The following DAB1 variants were observed in gnomAD, a reference collection of about 807,000 sequenced individuals.
DAB1 encodes the protein disabled homolog 1.
Under a neutral mutation model 64.6 loss-of-function variants are expected in DAB1, and 15 were observed. The ratio of observed to expected loss-of-function variants is 0.23; its 90% confidence interval spans 0.16 to 0.36. The LOEUF (loss-of-function observed/expected upper bound fraction) is 0.36. Ranked by LOEUF, DAB1 falls within the 10% of genes least tolerant of loss-of-function variation. DAB1 has a pLI of 1.00. For synonymous variants in DAB1, 235 were observed against 251.9 expected (o/e 0.93, Z 0.64); for missense variants, 596 against 706.7 (o/e 0.84, Z 1.78).
At chr1:57,782,457 C>T (rs1008763210) in intron 6 of DAB1, among the ~76,000 whole-genome samples, 4 of 152,108 alleles carry the variant, frequency 2.6e-5, no homozygotes, top group Non-Finnish European at 4.4e-5. Flanking sequence ...CACGATGTCT[C>T]GATCTGTGCA....
At chr1:57,266,315 C>T (rs1281394245) in intron 2 of DAB1, among the ~76,000 whole-genome samples, 1 of 152,194 alleles carries the variant, frequency 6.6e-6, no homozygotes, top group African/African-American at 2.4e-5. Flanking sequence ...ATGCCTGTCT[C>T]ATTTCTACTG....
upstream of DAB1, among the ~76,000 whole-genome samples, chr1:57,886,760 C>T (rs555771063): frequency 6.6e-6 from 1 of 152,222 alleles, no homozygotes; most frequent in South Asian, 2.1e-4. Context: ...CTCAAAGAAC[C>T]TGAGTTCTAG....
intron 4 of DAB1, among the ~76,000 whole-genome samples, chr1:57,117,054 A>G (rs1656202177): frequency 6.6e-6 from 1 of 152,202 alleles, no homozygotes; most frequent in Admixed American, 6.5e-5. Flanking sequence ...AAAAAACTGG[A>G]TGATTCCTGG....
intron 4 of DAB1, among the ~76,000 whole-genome samples, chr1:58,237,627 T>C (rs1028385668): frequency 7.9e-5 from 12 of 152,188 alleles, no homozygotes; most frequent in African/African-American, 2.7e-4. Flanking sequence ...GCACAACTAC[T>C]GAAACCCGGT....
chr1:58,244,083 T>G (rs1173770176), intron 4 of DAB1, among the ~76,000 whole-genome samples: 3 of 152,184 alleles, frequency 2.0e-5, no homozygotes, highest in Admixed American at 1.3e-4. Context: ...CCAATCCCAG[T>G]CCTTCTCTCA....
At chr1:57,778,441 C>G (rs113777793) in intron 6 of DAB1, among the ~76,000 whole-genome samples, 2 of 151,906 alleles carry the variant, frequency 1.3e-5, no homozygotes, top group African/African-American at 4.8e-5. Context: ...CAGTTTTCAC[C>G]TCGTCTGTTG....
At chr1:58,492,404 A>C (rs531455203) in intron 3 of DAB1, among the ~76,000 whole-genome samples, 1 of 152,324 alleles carries the variant, frequency 6.6e-6, no homozygotes, top group South Asian at 2.1e-4. Context: ...AGGCAAGAAA[A>C]TAACTAAGAT....
chr1:58,182,610 T>C (rs576199219), intron 4 of DAB1, among the ~76,000 whole-genome samples: 1 of 152,134 alleles, frequency 6.6e-6, no homozygotes, highest in South Asian at 2.1e-4. Flanking sequence ...ATTACTGTAG[T>C]TTTCAACTCC....
intron 7 of DAB1, among the ~76,000 whole-genome samples, chr1:57,539,955 G>T (rs969074936): frequency 1.3e-5 from 2 of 152,120 alleles, no homozygotes; most frequent in African/African-American, 4.8e-5. Context: ...AATTAGTGAG[G>T]CTGTCCCTTA....
chr1:58,437,007 C>T (rs138831157), intron 3 of DAB1, among the ~76,000 whole-genome samples: 12 of 152,318 alleles, frequency 7.9e-5, no homozygotes, highest in Admixed American at 2.0e-4. Context: ...TCTGGGACCT[C>T]GACAACAGCC....
At chr1:57,631,760 T>C (rs1456612679) in intron 7 of DAB1, among the ~76,000 whole-genome samples, 1 of 152,192 alleles carries the variant, frequency 6.6e-6, no homozygotes, top group East Asian at 1.9e-4. Context: ...ATCACTAAAA[T>C]GGAGTTAGCA....
chr1:58,364,709 A>C (rs995015930), intron 3 of DAB1, among the ~76,000 whole-genome samples: 1 of 152,360 alleles, frequency 6.6e-6, no homozygotes, highest in East Asian at 1.9e-4. Context: ...GTCTGTATTT[A>C]TATACATGTG....
intron 2 of DAB1, among the ~76,000 whole-genome samples, chr1:57,224,725 A>T (rs185080540): frequency 6.6e-6 from 1 of 152,298 alleles, no homozygotes; most frequent in East Asian, 1.9e-4. Context: ...AGAGCTTCCA[A>T]ATCTCTTGGG....
At position 57,855,626 on chromosome 1, in the gene DAB1, A is replaced by G. The variant is rs951894438; in HGVS notation, n.87+28373T>C. 2.0e-5 allele frequency among the ~76,000 whole-genome samples: 3 copies of G among 152,296 alleles called. No individual in the cohort carries two copies. In the South Asian group the frequency reaches 6.2e-4, roughly 32 times the overall value. On this transcript the variant is annotated intron_variant and non_coding_transcript_variant, in intron 1 of 1. Transcript: ENST00000477280. ...CCTGGGGGCAAAGAAACAGAGGAAG[A>G]GGGAAAAGGTCTTCACATCTGAGGT...
intron 3 of DAB1, among the ~76,000 whole-genome samples, chr1:58,359,813 T>C (rs1328436537): frequency 2.0e-5 from 3 of 152,016 alleles, no homozygotes; most frequent in Non-Finnish European, 4.4e-5. Flanking sequence ...AAGATGATGA[T>C]GGAGAGGACT....
intron 4 of DAB1, among the ~76,000 whole-genome samples, chr1:58,338,956 G>T (rs1437104648): frequency 6.6e-6 from 1 of 152,140 alleles, no homozygotes; most frequent in East Asian, 1.9e-4. Context: ...TCCAGAATAG[G>T]TAAATCTATA....
chr1:57,650,459 A>G, intron 6 of DAB1, among the ~76,000 whole-genome samples: 1 of 56,886 alleles, frequency 1.8e-5, no homozygotes, highest in East Asian at 5.4e-4. Context: ...CACCAAATAG[A>G]GGAATAAAAA....
At chr1:58,481,114 G>A (rs1297331035) in intron 3 of DAB1, 4 of 871,780 alleles carry the variant, frequency 4.6e-6, no homozygotes, top group Non-Finnish European at 8.0e-6. Context: ...AGTTTGAATA[G>A]TAATCGAGGG....
chr1:57,154,530 A>G (rs1301101003), intron 2 of DAB1, among the ~76,000 whole-genome samples: 1 of 152,236 alleles, frequency 6.6e-6, no homozygotes, highest in Non-Finnish European at 1.5e-5. Context: ...TCTTTGATAT[A>G]CTGATTTCCT....
Sources: allele counts gnomAD v4.1 joint callset (sites outside exome capture counted in the v4.1 genomes callset), GRCh38; gene constraint gnomAD v4.1.1; transcripts MANE v1.5; gene names NCBI Gene and HGNC (gene_info 2026-07-23, HGNC 2026-07-21).